The following CDH12 variants were observed in gnomAD, a reference collection of about 807,000 sequenced individuals.
The protein encoded by CDH12 is cadherin 12.
Under a neutral mutation model 74.1 loss-of-function variants are expected in CDH12, and 41 were observed. The observed-to-expected ratio is 0.55, with a 90% CI of 0.43 to 0.72. CDH12 has a LOEUF of 0.72. Ranked by LOEUF, CDH12 falls within the 30% of genes least tolerant of loss-of-function variation. The pLI, the probability that CDH12 is intolerant of heterozygous loss-of-function variation, is 0.00. For synonymous variants in CDH12, 399 were observed against 355.0 expected, an observed-to-expected ratio of 1.12 and a Z score of -1.39; for missense variants, 945 against 977.2, an observed-to-expected ratio of 0.97 and a Z score of 0.44.
intron 3 of CDH12, among the ~76,000 whole-genome samples, chr5:22,371,140 T>G (rs1016471178): frequency 2.6e-5 from 4 of 152,148 alleles, no homozygotes; most frequent in African/African-American, 9.6e-5. Flanking sequence ...ACATTTTCCC[T>G]AAAAGCTTAA....
At chr5:21,821,038 T>C (rs1405359051) in intron 8 of CDH12, among the ~76,000 whole-genome samples, 1 of 151,996 alleles carries the variant, frequency 6.6e-6, no homozygotes, top group Non-Finnish European at 1.5e-5. Context: ...TTGCATGCAG[T>C]GAACTAATTA....
chr5:22,145,453 G>A (rs1408568771), intron 4 of CDH12, among the ~76,000 whole-genome samples: 1 of 151,980 alleles, frequency 6.6e-6, no homozygotes, highest in Non-Finnish European at 1.5e-5. Flanking sequence ...TTGCCACATT[G>A]ATCCTGATAG....
At chr5:21,953,867 C>G (rs1192095457) in intron 6 of CDH12, among the ~76,000 whole-genome samples, 1 of 151,958 alleles carries the variant, frequency 6.6e-6, no homozygotes, top group African/African-American at 2.4e-5. Context: ...AAAAATTAGG[C>G]CTTACAGAAA....
intron 6 of CDH12, among the ~76,000 whole-genome samples, chr5:21,881,980 T>C (rs901276319): frequency 5.9e-5 from 9 of 152,228 alleles, no homozygotes; most frequent in African/African-American, 2.2e-4. Context: ...TTTGATAGTT[T>C]ATGATGTATT....
At chr5:22,825,477 T>C (rs567631544) in intron 1 of CDH12, among the ~76,000 whole-genome samples, 3 of 152,264 alleles carry the variant, frequency 2.0e-5, no homozygotes, top group African/African-American at 4.8e-5. Context: ...GATAAAAATA[T>C]GTTCTTGGAA....
At chr5:22,576,891 C>T (rs1438947986) in intron 1 of CDH12, among the ~76,000 whole-genome samples, 1 of 152,032 alleles carries the variant, frequency 6.6e-6, no homozygotes, top group Non-Finnish European at 1.5e-5. Flanking sequence ...GTTTGCTTTA[C>T]GAAACCTTAC....
intron 1 of CDH12, among the ~76,000 whole-genome samples, chr5:22,821,228 T>C (rs1308181633): frequency 2.0e-5 from 3 of 152,086 alleles, no homozygotes; most frequent in South Asian, 2.1e-4. Flanking sequence ...ATTGATGGGA[T>C]GTATCTCAAA....
chr5:22,302,416 C>T (rs1052077969), intron 3 of CDH12, among the ~76,000 whole-genome samples: 5 of 152,184 alleles, frequency 3.3e-5, no homozygotes, highest in Non-Finnish European at 5.9e-5. Flanking sequence ...TTTCATAACA[C>T]TAGGAGAGTG....
intron 3 of CDH12, among the ~76,000 whole-genome samples, chr5:22,241,092 TA>T (rs1016138776): frequency 3.4e-4 from 52 of 152,246 alleles, no homozygotes; most frequent in Non-Finnish European, 5.9e-4. Flanking sequence ...TTCAAGTGTT[TA>T]AAAAATGCAC....
intron 4 of CDH12, among the ~76,000 whole-genome samples, chr5:22,132,131 C>G (rs1297571229): frequency 6.6e-6 from 1 of 151,834 alleles, no homozygotes. Context: ...ATCACAGATA[C>G]AGGTATAGAT....
chr5:21,772,190 T>A (rs918482550), intron 11 of CDH12, among the ~76,000 whole-genome samples: 4 of 152,160 alleles, frequency 2.6e-5, no homozygotes, highest in Non-Finnish European at 5.9e-5. Context: ...ACCGGTAAGA[T>A]CAAGTTCTGT....
chr5:22,801,884 T>C (rs1748547854), intron 1 of CDH12, among the ~76,000 whole-genome samples: 1 of 151,328 alleles, frequency 6.6e-6, no homozygotes, highest in South Asian at 2.1e-4. Context: ...AAAAAATTGT[T>C]ATTCATTTAC....
intron 4 of CDH12, among the ~76,000 whole-genome samples, chr5:22,177,034 G>T (rs1406398722): frequency 6.6e-6 from 1 of 152,010 alleles, no homozygotes; most frequent in Non-Finnish European, 1.5e-5. Context: ...GCCTTTTATT[G>T]TAATCAATAG....
chr5:22,845,030 C>T (rs914794389), intron 1 of CDH12, among the ~76,000 whole-genome samples: 8 of 152,104 alleles, frequency 5.3e-5, no homozygotes, highest in African/African-American at 1.9e-4. Flanking sequence ...TTTCAGTATG[C>T]TCCGGGTGTT....
In CDH12 at chr5:21,956,187, A is replaced by T. The variant is rs898561219; in HGVS notation, c.526+18904T>A. ...AATATAATAGATAATTTACCACCAG[A>T]TTAGATACCATTGAAGGAATAATTA... is the stretch of plus-strand genomic sequence containing the variant. On this transcript the variant is annotated intron_variant, in intron 6 of 14. Coordinates refer to ENST00000382254, the MANE Select transcript of CDH12 (RefSeq NM_004061.5). Among the ~76,000 whole-genome samples, 115 of 152,196 alleles carry T rather than the reference A, an allele frequency of 7.6e-4. 1 individual carries two copies. Among genetic ancestry groups the T allele is most frequent in the African/African-American group, 2.2e-3 (93 of 41,574 alleles).
At chr5:22,430,823 A>AC (rs1744139748) in intron 2 of CDH12, among the ~76,000 whole-genome samples, 1 of 151,728 alleles carries the variant, frequency 6.6e-6, no homozygotes, top group Non-Finnish European at 1.5e-5. Context: ...ATTAGAAACT[A>AC]CTTTTTTTTT....
At chr5:22,592,035 A>G (rs1037786853) in intron 1 of CDH12, among the ~76,000 whole-genome samples, 1 of 152,138 alleles carries the variant, frequency 6.6e-6, no homozygotes, top group Non-Finnish European at 1.5e-5. Context: ...ATGTTTTACC[A>G]TAGTCATGCA....
intron 6 of CDH12, among the ~76,000 whole-genome samples, chr5:21,855,017 T>A (rs1218971046): frequency 1.3e-5 from 2 of 151,788 alleles, no homozygotes; most frequent in Non-Finnish European, 2.9e-5. Flanking sequence ...TTGTGTCCAT[T>A]TCCAGGAGCT....
At chr5:22,327,943 G>A (rs1739190819) in intron 3 of CDH12, among the ~76,000 whole-genome samples, 1 of 152,168 alleles carries the variant, frequency 6.6e-6, no homozygotes, top group Non-Finnish European at 1.5e-5. Flanking sequence ...TATTATGTTA[G>A]CTGGCTGTAT....
Sources: gnomAD v4.1 joint callset for allele counts (sites outside exome capture counted in the v4.1 genomes callset) on GRCh38, gnomAD v4.1.1 for gene constraint, MANE v1.5 for transcripts, NCBI Gene and HGNC (gene_info 2026-07-23, HGNC 2026-07-21) for gene names.